PLEKHG3: variants seen among roughly 807,000 people sequenced by gnomAD.
PLEKHG3 encodes pleckstrin homology domain-containing family G member 3.
Under a neutral mutation model 94.9 loss-of-function variants are expected in PLEKHG3, and 62 were observed. That is an observed-to-expected ratio of 0.65 (90% CI 0.53 to 0.81). The LOEUF (loss-of-function observed/expected upper bound fraction) is 0.81, where lower values mean the gene tolerates loss of function less well. Ranked by LOEUF, PLEKHG3 falls within the 30% of genes least tolerant of loss-of-function variation. PLEKHG3 has a pLI of 0.00. For synonymous variants in PLEKHG3, 614 were observed against 654.0 expected (o/e 0.94, Z 0.93); for missense variants, 1,461 against 1,619.3 (o/e 0.90, Z 1.68).
At chr14:64,729,533 A>T (rs1253140607) in intron 3 of PLEKHG3, among the ~76,000 whole-genome samples, 1 of 152,208 alleles carries the variant, frequency 6.6e-6, no homozygotes, top group East Asian at 1.9e-4. Context: ...ACATGTGGGA[A>T]GCCAAACAAG....
Position 64,745,709 on chromosome 14 carries a change from GGTT to G in PLEKHG3, c.*2009_*2011del, listed in dbSNP as rs2139403360. 1.3e-5 allele frequency: 2 copies of G among 152,376 alleles called. No individual in the cohort carries two copies. The highest frequency in any genetic ancestry group is 4.1e-4 in the South Asian group (2 of 4,826). 9.4% of individuals were successfully genotyped at this position (152,376 alleles called of 1,614,324 possible). A position where few individuals can be genotyped will look rare whatever the true frequency, so the allele number is the denominator to read the frequency against. ...CCCTGCGCTGCTTCTGCTCAAGAGA[GGTT>G]GTCACTAGCCTCTGATCTTCCCTTG... On this transcript the variant is annotated 3_prime_UTR_variant, in exon 17 of 17. Coordinates refer to ENST00000247226, the MANE Select transcript of PLEKHG3 (RefSeq NM_001308147.2). This position sits in a 1 kb window ranked among gnomAD's most constrained non-coding sequence, Gnocchi z 5.0.
At chr14:64,711,344 C>A (rs866048494) in intron 1 of PLEKHG3, among the ~76,000 whole-genome samples, 2 of 152,208 alleles carry the variant, frequency 1.3e-5, no homozygotes, top group East Asian at 1.9e-4. Context: ...AATCTTAATT[C>A]GGCTCCACCC....
Position 64,722,193 on chromosome 14 carries a change from G to A in PLEKHG3, c.-39-5400G>A, listed in dbSNP as rs2081273783. ...GGAGGGCTGCGCCATCGCCGTTCCT[G>A]AGTGAGGACTTTCTTTCTTCCTTTC... On this transcript the variant is annotated intron_variant, in intron 1 of 16. Transcript: ENST00000247226. This position sits in a 1 kb window ranked among gnomAD's most constrained non-coding sequence, Gnocchi z 4.3. Among the ~76,000 whole-genome samples the A allele has an allele frequency of 1.3e-5, 2 of 152,088 alleles. No individual in the cohort carries two copies. The highest frequency in any genetic ancestry group is 4.1e-4 in the South Asian group (2 of 4,826).
Position 64,739,435 on chromosome 14 carries a change from A to G in PLEKHG3, c.1518+580A>G, listed in dbSNP as rs2081640735. Among the ~76,000 whole-genome samples, 1 of 152,170 alleles carries G rather than the reference A, an allele frequency of 6.6e-6. No homozygotes were observed. ...CCCACTCTCCTCCTCCTGCTGCCCTATGCTGTCTGTGGGTTGTAGGAAGCA... is the reference window on the plus strand; with the variant it reads ...CCCACTCTCCTCCTCCTGCTGCCCTGTGCTGTCTGTGGGTTGTAGGAAGCA... On this transcript the variant is annotated intron_variant, in intron 15 of 16. Transcript: ENST00000247226. The surrounding 1 kb of genome is among the most constrained non-coding windows in gnomAD (Gnocchi z 4.1).
At position 64,749,615 on chromosome 14, in the gene PLEKHG3, C is replaced by G. The variant is rs375124101; in HGVS notation, c.*5912C>G. Reference sequence around the variant, plus strand: ...GCGGCCTGGGGTCCTCCACCTACCCCCTTCTTAGCCAGGTCTGGGCTAGGC... The same window carrying G: ...GCGGCCTGGGGTCCTCCACCTACCCGCTTCTTAGCCAGGTCTGGGCTAGGC... On this transcript the variant is annotated 3_prime_UTR_variant, in exon 17 of 17. Coordinates refer to ENST00000247226, the MANE Select transcript of PLEKHG3 (RefSeq NM_001308147.2). This position sits in a 1 kb window ranked among gnomAD's most constrained non-coding sequence, Gnocchi z 4.7. 2.5e-6 allele frequency: 4 copies of G among 1,612,772 alleles called. No individual in the cohort carries two copies. The highest frequency in any genetic ancestry group is 2.5e-6 in the Non-Finnish European group (3 of 1,179,884).
In PLEKHG3 at chr14:64,715,042, T is replaced by C. The variant is rs1205876783; in HGVS notation, c.-40+10338T>C. On this transcript the variant is annotated intron_variant, in intron 1 of 16. Transcript: ENST00000247226. The surrounding 1 kb of genome is among the most constrained non-coding windows in gnomAD (Gnocchi z 4.4). ...ACCCCGTGCAGGTTGGTACCCCCACTGCAAGAGTGTGTGGGTGGAGAAGGA... is the reference window on the plus strand; with the variant it reads ...ACCCCGTGCAGGTTGGTACCCCCACCGCAAGAGTGTGTGGGTGGAGAAGGA... Among the ~76,000 whole-genome samples, 1 of 152,110 alleles carries C rather than the reference T, an allele frequency of 6.6e-6. No individual in the cohort carries two copies. Among genetic ancestry groups the C allele is most frequent in the Non-Finnish European group, 1.5e-5 (1 of 68,028 alleles).
rs1444907404 is a variant in PLEKHG3, at chr14:64,727,969, G to A, written c.338G>A (p.Arg113His). 3.8e-6 allele frequency: 6 copies of A among 1,574,580 alleles called. No individual in the cohort carries two copies. The South Asian group carries it at 5.6e-5, about 15-fold the overall frequency. Residue 113 changes from arginine (R) to histidine (H), a missense_variant, in exon 2 of 17, where the codon CGC becomes CAC. By Grantham distance (29) the Arg-to-His change is conservative. Around this residue, in one of 3 missense-constraint regions of PLEKHG3, gnomAD observed 253 missense variants for 297.8 expected, o/e 0.85. Transcript: ENST00000247226. This position sits in a 1 kb window ranked among gnomAD's most constrained non-coding sequence, Gnocchi z 6.0. ...GAGCGCATGTACGTACAGGACCTGCGCAGCATCGTGGAGGTGCGTGTCGGA... is the reference window on the plus strand; with the variant it reads ...GAGCGCATGTACGTACAGGACCTGCACAGCATCGTGGAGGTGCGTGTCGGA... ...ETERMYVQDL[R>H]SIVEDYLLKI...
In PLEKHG3 at chr14:64,731,463, A is replaced by G; in HGVS notation, c.952A>G (p.Arg318Gly). ...TFRVHRVRNERTFFLFDKTLL... is the reference protein window; with the variant it reads ...TFRVHRVRNEGTFFLFDKTLL... ...CCGCGTGCATCGCGTGCGCAATGAA[A>G]GGACCTTTTTCCTCTTTGACAAAAC... The change falls in exon 8 of 17, where the codon AGG becomes GGG. Residue 318 changes from arginine (R) to glycine (G), a missense_variant. Physicochemically the swap from Arg to Gly is moderately radical, Grantham distance 125. Around this residue, in one of 3 missense-constraint regions of PLEKHG3, gnomAD observed 1,201 missense variants for 1,295.5 expected, o/e 0.93. Coordinates refer to ENST00000247226, the MANE Select transcript of PLEKHG3 (RefSeq NM_001308147.2). The surrounding 1 kb of genome is among the most constrained non-coding windows in gnomAD (Gnocchi z 6.1). 6.2e-7 allele frequency: 1 copy of G among 1,614,102 alleles called. No individual in the cohort carries two copies. The highest frequency in any genetic ancestry group is 8.5e-7 in the Non-Finnish European group (1 of 1,179,964).
rs372818050 is a variant in PLEKHG3 at position 64,733,390 on chromosome 14, A to C, written c.1345+489A>C. Among the ~76,000 whole-genome samples, 77 of 150,846 alleles carry C rather than the reference A, an allele frequency of 5.1e-4. 1 individual carries two copies. Among genetic ancestry groups the C allele is most frequent in the East Asian group, 5.1e-3 (26 of 5,106 alleles). On this transcript the variant is annotated intron_variant, in intron 12 of 16. Transcript: ENST00000247226. Reference sequence around the variant, plus strand: ...TATATGTTGGCCAGGCTAGTTTCGAACTCCTGGCCTCAGGTGATCCGCCCG... The same window carrying C: ...TATATGTTGGCCAGGCTAGTTTCGACCTCCTGGCCTCAGGTGATCCGCCCG...
At position 64,749,879 on chromosome 14, in the gene PLEKHG3, C is replaced by T; in HGVS notation, c.*6176C>T. 1.3e-6 allele frequency: 2 copies of T among 1,541,148 alleles called. No homozygotes were observed. Among genetic ancestry groups the T allele is most frequent in the Non-Finnish European group, 1.8e-6 (2 of 1,115,696 alleles). On this transcript the variant is annotated 3_prime_UTR_variant, in exon 17 of 17. Coordinates refer to ENST00000247226, the MANE Select transcript of PLEKHG3 (RefSeq NM_001308147.2). The surrounding 1 kb of genome is among the most constrained non-coding windows in gnomAD (Gnocchi z 4.7). Reference sequence around the variant, plus strand: ...TTTGATTTGAAAAACCCCTGAGGAGCAGCTCAGGCCTGGCACTGGTCCCCT... The same window carrying T: ...TTTGATTTGAAAAACCCCTGAGGAGTAGCTCAGGCCTGGCACTGGTCCCCT...
At position 64,716,467 on chromosome 14, in the gene PLEKHG3, ACACACACACACAC is replaced by A. The variant is rs1566693910; in HGVS notation, c.-39-11125_-39-11113del. Among the ~76,000 whole-genome samples, 13 of 58,190 alleles carry A rather than the reference ACACACACACACAC, an allele frequency of 2.2e-4. No homozygotes were observed. The highest frequency in any genetic ancestry group is 8.5e-4 in the Admixed American group (5 of 5,904). 38.2% of individuals were successfully genotyped at this position (58,190 alleles called of 152,430 possible). ...ACACACACACACACACACACACACA[ACACACACACACAC>A]AACACACACACACACAACACACACA... On this transcript the variant is annotated intron_variant, in intron 1 of 16. Transcript: ENST00000247226. The surrounding 1 kb of genome is among the most constrained non-coding windows in gnomAD (Gnocchi z 5.0).
chr14:64,732,013 C>A lies in PLEKHG3; in HGVS notation c.1126-82C>A. ...CCCAGCATGGCCCCACTTTTTCTCC[C>A]TGGGTGGAAGCACTGTCCATGCTAG... On this transcript the variant is annotated intron_variant, in intron 9 of 16. Coordinates refer to ENST00000247226, the MANE Select transcript of PLEKHG3 (RefSeq NM_001308147.2). This position sits in a 1 kb window ranked among gnomAD's most constrained non-coding sequence, Gnocchi z 4.9. 1 of 1,096,094 alleles carries A rather than the reference C, an allele frequency of 9.1e-7. No individual in the cohort carries two copies. Among genetic ancestry groups the A allele is most frequent in the Admixed American group, 1.7e-5 (1 of 57,962 alleles). The allele number at this position is 1,096,094 out of a possible 1,614,324, so 67.9% of individuals were successfully genotyped here.
rs1022848840 is a variant in PLEKHG3, at chr14:64,716,048, C to T, written c.-40+11344C>T. 9 of 456,330 alleles carry T rather than the reference C, an allele frequency of 2.0e-5. No homozygotes were observed. Among genetic ancestry groups the T allele is most frequent in the African/African-American group, 1.0e-4 (5 of 50,200 alleles). 28.3% of individuals were successfully genotyped at this position (456,330 alleles called of 1,614,324 possible). ...GGGACAATGCGGCTGCCCGGCCCCT[C>T]GCCACCCTCGTGGTGCCCGGATGGG... On this transcript the variant is annotated intron_variant, in intron 1 of 16. Transcript: ENST00000247226. This position sits in a 1 kb window ranked among gnomAD's most constrained non-coding sequence, Gnocchi z 5.0.
Position 64,743,732 on chromosome 14 carries a change from T to G in PLEKHG3, c.*29T>G. ...TGACTCCTGGGGGAGGGAGGAGTCA[T>G]GTTGGAGGTTGGGGAAGAACCTGGG... On this transcript the variant is annotated 3_prime_UTR_variant, in exon 17 of 17. Coordinates refer to ENST00000247226, the MANE Select transcript of PLEKHG3 (RefSeq NM_001308147.2). This position sits in a 1 kb window ranked among gnomAD's most constrained non-coding sequence, Gnocchi z 7.2. The G allele has an allele frequency of 6.6e-7, 1 of 1,510,656 alleles. No homozygotes were observed. Among genetic ancestry groups the G allele is most frequent in the Non-Finnish European group, 8.8e-7 (1 of 1,134,478 alleles). 93.6% of individuals were successfully genotyped at this position (1,510,656 alleles called of 1,614,324 possible).
rs150120531 is a variant in PLEKHG3 at position 64,742,233 on chromosome 14, C to G, written c.2716C>G (p.Arg906Gly). 16 of 1,612,932 alleles carry G rather than the reference C, an allele frequency of 9.9e-6. No homozygotes were observed. In the African/African-American group the frequency reaches 2.1e-4, roughly 22 times the overall value. The stretch of plus-strand genomic sequence containing the variant: ...GGAGCTGGTGGCCCCACTGCACCCC[C>G]GCATCGTGCAGCTCTCCCACGTAAT... ...QGELVAPLHPRIVQLSHVMDS... is the reference protein window; with the variant it reads ...QGELVAPLHPGIVQLSHVMDS... The change falls in exon 16 of 17, where the codon CGC becomes GGC. Residue 906 changes from arginine to glycine, a missense_variant. By Grantham distance (125) the Arg-to-Gly change is moderately radical. This residue lies in a region of PLEKHG3 where 1,201 missense variants were observed against 1,295.5 expected (regional missense o/e 0.93). Coordinates refer to ENST00000247226, the MANE Select transcript of PLEKHG3 (RefSeq NM_001308147.2).
chr14:64,749,274 C>A lies in PLEKHG3; in HGVS notation c.*5571C>A. 6.5e-7 allele frequency: 1 copy of A among 1,550,134 alleles called. No homozygotes were observed. Among genetic ancestry groups the A allele is most frequent in the Non-Finnish European group, 8.7e-7 (1 of 1,152,888 alleles). On this transcript the variant is annotated 3_prime_UTR_variant, in exon 17 of 17. Coordinates refer to ENST00000247226, the MANE Select transcript of PLEKHG3 (RefSeq NM_001308147.2). This position sits in a 1 kb window ranked among gnomAD's most constrained non-coding sequence, Gnocchi z 4.7. ...CCTGGGCTGCCCGGTCTCTGCGCGT[C>A]CCGACTCCGCCGCGCCCGCCAGCCC...
Position 64,730,325 on chromosome 14 carries a change from G to T in PLEKHG3, c.519+13G>T. The T allele has an allele frequency of 1.3e-6, 2 of 1,510,136 alleles. No homozygotes were observed. Among genetic ancestry groups the T allele is most frequent in the Non-Finnish European group, 1.8e-6 (2 of 1,123,288 alleles). 93.5% of individuals were successfully genotyped at this position (1,510,136 alleles called of 1,614,324 possible). A position where few individuals can be genotyped will look rare whatever the true frequency, so the allele number is the denominator to read the frequency against. On this transcript the variant is annotated intron_variant, in intron 4 of 16. Coordinates refer to ENST00000247226, the MANE Select transcript of PLEKHG3 (RefSeq NM_001308147.2). The surrounding 1 kb of genome is among the most constrained non-coding windows in gnomAD (Gnocchi z 5.4). Reference sequence around the variant, plus strand: ...CTTTGTGGAAAGGGTAAGAAGGGCTGGGTCCTTGCCTCTGTCCTACCTTGC... The same window carrying T: ...CTTTGTGGAAAGGGTAAGAAGGGCTTGGTCCTTGCCTCTGTCCTACCTTGC...
chr14:64,749,301 A>G lies in PLEKHG3; in HGVS notation c.*5598A>G, dbSNP rs779842361. 1.0e-5 allele frequency: 16 copies of G among 1,595,424 alleles called. No individual in the cohort carries two copies. The highest frequency in any genetic ancestry group is 4.5e-5 in the East Asian group (2 of 44,204). On this transcript the variant is annotated 3_prime_UTR_variant, in exon 17 of 17. Coordinates refer to ENST00000247226, the MANE Select transcript of PLEKHG3 (RefSeq NM_001308147.2). The surrounding 1 kb of genome is among the most constrained non-coding windows in gnomAD (Gnocchi z 4.7). ...CGACTCCGCCGCGCCCGCCAGCCCC[A>G]CCTGCTACTTCTTTTTGGGGAAGAA...
chr14:64,731,732 A>C lies in PLEKHG3; in HGVS notation c.1051A>C (p.Ile351Leu). The change falls in exon 9 of 17, where the codon ATC becomes CTC. Residue 351 changes from isoleucine (I) to leucine (L), a missense_variant. Ile to Leu is a conservative substitution (Grantham distance 5, BLOSUM62 2). Around this residue, in one of 3 missense-constraint regions of PLEKHG3, gnomAD observed 1,201 missense variants for 1,295.5 expected, o/e 0.93. Transcript: ENST00000247226. This position sits in a 1 kb window ranked among gnomAD's most constrained non-coding sequence, Gnocchi z 6.1. Reference protein sequence around the residue: ...GNIPCSSLMLIESTRDSLCFT... With the variant: ...GNIPCSSLMLLESTRDSLCFT... ...CCCCTAGTGCTCCTCCCTGATGCTGATCGAAAGCACCAGAGACTCCCTGTG... is the reference window on the plus strand; with the variant it reads ...CCCCTAGTGCTCCTCCCTGATGCTGCTCGAAAGCACCAGAGACTCCCTGTG... The C allele has an allele frequency of 2.5e-6, 4 of 1,613,240 alleles. No homozygotes were observed. Among genetic ancestry groups the C allele is most frequent in the Non-Finnish European group, 3.4e-6 (4 of 1,179,346 alleles).
Sources: gnomAD v4.1 joint callset for allele counts (sites outside exome capture counted in the v4.1 genomes callset) on GRCh38, gnomAD v4.1.1 for gene constraint, gnomAD v4.1.1 regional missense constraint, Gnocchi (gnomAD v3.1) non-coding constraint, MANE v1.5 for transcripts, NCBI Gene and HGNC (gene_info 2026-07-23, HGNC 2026-07-21) for gene names.